The following TTC3 variants were observed in gnomAD, a reference collection of about 807,000 sequenced individuals.
The protein encoded by TTC3 is tetratricopeptide repeat domain 3, also known as E3 ubiquitin-protein ligase TTC3.
Under a neutral mutation model 249.6 loss-of-function variants are expected in TTC3, and 180 were observed. That is an observed-to-expected ratio of 0.72 (90% CI 0.64 to 0.82). The LOEUF (loss-of-function observed/expected upper bound fraction) is 0.82, where lower values mean the gene tolerates loss of function less well. Ranked by LOEUF, TTC3 falls within the 40% of genes least tolerant of loss-of-function variation. TTC3 has a pLI of 0.00. For synonymous variants in TTC3, 717 were observed against 805.0 expected (o/e 0.89, Z 1.85); for missense variants, 2,061 against 2,398.4 (o/e 0.86, Z 2.94).
At chr21:37,188,100 G>A (rs12482421) in intron 38 of TTC3, 2,244 of 153,518 alleles carry the variant, frequency 0.015, 130 homozygotes, top group Admixed American at 0.11. Flanking sequence ...TGCCCTTGCC[G>A]AGAACAGCTT....
intron 11 of TTC3, among the ~76,000 whole-genome samples, chr21:37,118,535 T>G (rs553355613): frequency 9.2e-5 from 14 of 152,300 alleles, no homozygotes; most frequent in African/African-American, 2.9e-4. Context: ...TCAAGAACAT[T>G]TAAATTTTGA....
Position 37,144,596 on chromosome 21 carries a change from G to A in TTC3, c.1844G>A (p.Trp615Ter). 1 of 1,612,152 alleles carries A rather than the reference G, an allele frequency of 6.2e-7. No homozygotes were observed. The highest frequency in any genetic ancestry group is 8.5e-7 in the Non-Finnish European group (1 of 1,179,202). Residue 615 changes from tryptophan (W) to a stop codon, truncating the protein, a stop_gained, in exon 21 of 46, where the codon TGG becomes TAG. Coordinates refer to ENST00000355666, the Ensembl canonical transcript of TTC3. LOFTEE classifies it high-confidence loss of function. ...TATCGTCTTCCTGGAGTGTTAACTT[G>A]GCCCACGAGTAATGTGATTATTGAA...
intron 1 of TTC3, among the ~76,000 whole-genome samples, chr21:37,081,159 T>C (rs10154032): frequency 0.44 from 61,010 of 137,736 alleles, 14,241 homozygotes; most frequent in Non-Finnish European, 0.51. Flanking sequence ...TGCTGTGTTG[T>C]TAGGCTGGAG....
chr21:37,135,121 G>C (rs1227527733), intron 17 of TTC3, among the ~76,000 whole-genome samples: 1 of 152,180 alleles, frequency 6.6e-6, no homozygotes, highest in African/African-American at 2.4e-5. Context: ...GTGAGGCTTA[G>C]TACCATGTAG....
chr21:37,165,916 T>C, exon 33 of TTC3: 1 of 1,614,170 alleles, frequency 6.2e-7, no homozygotes, highest in Non-Finnish European at 8.5e-7. Context: ...CTTTTGAAAA[T>C]GTGAAACCCA....
intron 1 of TTC3, among the ~76,000 whole-genome samples, chr21:37,077,389 A>G (rs2071043948): frequency 6.6e-6 from 1 of 152,246 alleles, no homozygotes; most frequent in African/African-American, 2.4e-5. Context: ...GAAAAGAGAA[A>G]GAAATACTGC....
exon 42 of TTC3, chr21:37,195,770 C>T: frequency 1.9e-6 from 3 of 1,614,214 alleles, no homozygotes; most frequent in South Asian, 2.2e-5. Context: ...CAGCACTTCA[C>T]AGGGATCCTA....
intron 21 of TTC3, among the ~76,000 whole-genome samples, chr21:37,145,783 G>C (rs541903166): frequency 6.6e-6 from 1 of 152,264 alleles, no homozygotes; most frequent in East Asian, 1.9e-4. Flanking sequence ...ATCATATAGT[G>C]AGAGACAGGG....
chr21:37,144,745 C>T, intron 21 of TTC3, 100 bp downstream of exon 21: 1 of 1,423,066 alleles, frequency 7.0e-7, no homozygotes. Flanking sequence ...ATTCCATCCC[C>T]ACCTCCCTTA....
intron 15 of TTC3, among the ~76,000 whole-genome samples, chr21:37,126,932 G>T (rs369312016): frequency 1.7e-4 from 25 of 151,268 alleles, no homozygotes; most frequent in African/African-American, 5.6e-4. Context: ...TGGGCTCTCT[G>T]CAGCCTCTGC....
intron 36 of TTC3, 48 bp from the exon 37 acceptor site, chr21:37,185,658 T>G: frequency 6.2e-6 from 8 of 1,285,400 alleles, no homozygotes; most frequent in Non-Finnish European, 8.4e-6. Context: ...GGGGTCCTGT[T>G]AAAAATTTTT....
intron 17 of TTC3, among the ~76,000 whole-genome samples, chr21:37,134,470 G>A (rs2077749977): frequency 6.6e-6 from 1 of 151,920 alleles, no homozygotes. Context: ...GCCAGCAGAA[G>A]GCTTTTGTTA....
chr21:37,085,745 G>A (rs767456932), intron 1 of TTC3: 2 of 152,228 alleles, frequency 1.3e-5, no homozygotes, highest in African/African-American at 2.4e-5. Flanking sequence ...CATGGACCTC[G>A]ATGTGGCTGG....
At chr21:37,139,780 A>C (rs577915374) in intron 19 of TTC3, among the ~76,000 whole-genome samples, 7 of 151,218 alleles carry the variant, frequency 4.6e-5, no homozygotes, top group Non-Finnish European at 8.8e-5. Context: ...TACATTTGTG[A>C]TTTAATGTAA....
chr21:37,182,293 G>A (rs1417824032), intron 35 of TTC3, among the ~76,000 whole-genome samples: 1 of 152,174 alleles, frequency 6.6e-6, no homozygotes, highest in South Asian at 2.1e-4. Context: ...CCAGGGGAAC[G>A]GTAACTAGCA....
At chr21:37,160,916 C>A in intron 30 of TTC3, 58 bp downstream of exon 30, 1 of 1,514,508 alleles carries the variant, frequency 6.6e-7, no homozygotes, top group South Asian at 1.2e-5. Context: ...GTTAGTTGGA[C>A]ATATACATTA....
chr21:37,158,671 T>A (rs1292737727), intron 28 of TTC3, among the ~76,000 whole-genome samples: 1 of 152,164 alleles, frequency 6.6e-6, no homozygotes, highest in Non-Finnish European at 1.5e-5. Context: ...GCAGTATGAC[T>A]GAACCCACCT....
At chr21:37,200,949 C>T (rs554077873) in intron 45 of TTC3, among the ~76,000 whole-genome samples, 1 of 152,336 alleles carries the variant, frequency 6.6e-6, no homozygotes, top group Admixed American at 6.5e-5. Context: ...TGTGGTGTGC[C>T]TCCTTGGGTA....
chr21:37,090,555 C>A, intron 6 of TTC3: 1 of 937,950 alleles, frequency 1.1e-6, no homozygotes. Flanking sequence ...ATTTACCTGG[C>A]TTATGTTTCC....
Sources: gnomAD v4.1 joint callset for allele counts (sites outside exome capture counted in the v4.1 genomes callset) on GRCh38, gnomAD v4.1.1 for gene constraint, MANE v1.5 for transcripts, NCBI Gene and HGNC (gene_info 2026-07-23, HGNC 2026-07-21) for gene names.